The following FAM110C variants were observed in gnomAD, a reference collection of about 807,000 sequenced individuals.
FAM110C encodes the protein family with sequence similarity 110 member C.
FAM110C carries 19 observed loss-of-function variants against 15.7 expected under a neutral mutation model. The observed-to-expected ratio is 1.21, with a 90% CI of 0.85 to 1.78. The LOEUF is 1.78. FAM110C is among the 40% of genes most tolerant of loss of function. The pLI is 0.00. For missense variants in FAM110C, 547 were observed against 495.7 expected (o/e 1.10, Z -0.98); for synonymous variants, 275 against 233.9 (o/e 1.18, Z -1.61).
chr2:46,405 A>C lies in FAM110C; in HGVS notation c.-20T>G, dbSNP rs1664315565. 5.5e-6 allele frequency: 7 copies of C among 1,262,980 alleles called. No homozygotes were observed. The highest frequency in any genetic ancestry group is 7.0e-6 in the Non-Finnish European group (7 of 1,004,808). 78.2% of individuals were successfully genotyped at this position (1,262,980 alleles called of 1,614,324 possible). ...GCGCATCTTCGCGGGGAATGGACCG[A>C]CCGGGGTTCCGGGTCCAGCGGAGAC... On this transcript the variant is annotated 5_prime_UTR_variant, in exon 1 of 2. Coordinates refer to ENST00000327669, the MANE Select transcript of FAM110C (RefSeq NM_001077710.3).
rs1316291127 is a variant in FAM110C at position 40,644 on chromosome 2, T to G, written c.*964A>C. 1 of 152,202 alleles carries G rather than the reference T, an allele frequency of 6.6e-6. No individual in the cohort carries two copies. 9.4% of individuals were successfully genotyped at this position (152,202 alleles called of 1,614,324 possible). The stretch of plus-strand genomic sequence containing the variant: ...GAGTGAATTGGTGTCAAATTTGGGT[T>G]GATTACGTCATATGTGGAGGTGTGA... On this transcript the variant is annotated 3_prime_UTR_variant, in exon 2 of 2. Transcript: ENST00000327669.
Position 45,673 on chromosome 2 carries a change from G to T in FAM110C, c.713C>A (p.Thr238Asn). The T allele has an allele frequency of 6.2e-7, 1 of 1,608,100 alleles. No individual in the cohort carries two copies. The highest frequency in any genetic ancestry group is 8.5e-7 in the Non-Finnish European group (1 of 1,177,738). ...GAGGGTCACACAGTCCGACCCCGCG[G>T]TGAAGTTCTCCCTCCCCAGGGCCTC... Reference protein sequence around the residue: ...VVEALGRENFTAGSDCVTLKV... With the variant: ...VVEALGRENFNAGSDCVTLKV... Residue 238 changes from threonine (T) to asparagine (N), a missense_variant, in exon 1 of 2, where the codon ACC (threonine) becomes AAC (asparagine). Thr to Asn is a moderately conservative substitution (Grantham distance 65). Coordinates refer to ENST00000327669, the MANE Select transcript of FAM110C (RefSeq NM_001077710.3).
rs908542069 is a variant in FAM110C at position 46,254 on chromosome 2, G to T, written c.132C>A (p.Arg44=). Residue 44 remains arginine, a synonymous_variant, in exon 1 of 2, where the codon CGC becomes CGA. Transcript: ENST00000327669. ...CCGGCCGACCCCGCACATACTTGGC[G>T]CGATCCGCCGCCAGCCTCTCCACTG... ...RSAVERLAAD[R]AKYVRGRPGT... The T allele has an allele frequency of 1.4e-6, 2 of 1,412,026 alleles. No individual in the cohort carries two copies. Among genetic ancestry groups the T allele is most frequent in the African/African-American group, 3.0e-5 (2 of 66,592 alleles). 87.5% of individuals were successfully genotyped at this position (1,412,026 alleles called of 1,614,324 possible).
intron 1 of FAM110C, chr2:43,072 TCATGAG>T (rs1664170365): frequency 1.0e-6 from 1 of 985,334 alleles, no homozygotes; most frequent in Admixed American, 6.1e-5. Context: ...GGGGCTAAGG[TCATGAG>T]CAGACACTGT....
At chr2:43,155 C>A (rs1664173196) in intron 1 of FAM110C, 1 of 985,334 alleles carries the variant, frequency 1.0e-6, no homozygotes, top group South Asian at 4.7e-5. Flanking sequence ...GGTAGCCGGG[C>A]AGTAAGTCTC....
At chr2:45,342 A>G in intron 1 of FAM110C, 98 bp downstream of exon 1, 1 of 1,471,968 alleles carries the variant, frequency 6.8e-7, no homozygotes, top group Non-Finnish European at 9.0e-7. Flanking sequence ...ACTCAATTCT[A>G]AGCAGCTGTA....
In FAM110C at chr2:45,990, C is replaced by T. The variant is rs571226638; in HGVS notation, c.396G>A (p.Lys132=). The change falls in exon 1 of 2, where the codon AAG becomes AAA. Residue 132 remains lysine (K), a synonymous_variant. Coordinates refer to ENST00000327669, the MANE Select transcript of FAM110C (RefSeq NM_001077710.3). ...LVKKLFQGPG[K]DKAPVPRTGD... ...CCGTCCGGGGCACCGGCGCCTTGTCCTTACCCGGCCCCTGGAAGAGCTTCT... is the reference window on the plus strand; with the variant it reads ...CCGTCCGGGGCACCGGCGCCTTGTCTTTACCCGGCCCCTGGAAGAGCTTCT... The T allele has an allele frequency of 8.2e-6, 12 of 1,467,120 alleles. No homozygotes were observed. Among genetic ancestry groups the T allele is most frequent in the Non-Finnish European group, 9.9e-6 (11 of 1,115,324 alleles). The allele number at this position is 1,467,120 out of a possible 1,614,324, so 90.9% of individuals were successfully genotyped here. A position where few individuals can be genotyped will look rare whatever the true frequency, so the allele number is the denominator to read the frequency against.
chr2:44,861 G>A, intron 1 of FAM110C: 11 of 985,388 alleles, frequency 1.1e-5, no homozygotes, highest in Non-Finnish European at 1.3e-5. Context: ...TTGTTGCTAA[G>A]TGAATGCCAA....
chr2:42,710 A>T, intron 1 of FAM110C: 1 of 494,710 alleles, frequency 2.0e-6, no homozygotes, highest in Non-Finnish European at 2.6e-6. Flanking sequence ...TAGTTCTATT[A>T]TAATTGAGAC....
In FAM110C at chr2:45,443, G is replaced by T. The variant is rs1346907030; in HGVS notation, c.943C>A (p.Arg315=). Reference sequence around the variant, plus strand: ...CCCCAGCCTTCTGGGCACACACCTCGGGTCCGGCTCTGCTCCTGGCTGGGG... The same window carrying T: ...CCCCAGCCTTCTGGGCACACACCTCTGGTCCGGCTCTGCTCCTGGCTGGGG... ...ETPSQEQSRT[R]GSKPSR is the part of the protein sequence containing the mutation. Residue 315 remains arginine, a synonymous_variant, in exon 1 of 2, where the codon CGA becomes AGA. Transcript: ENST00000327669. 1 of 1,606,876 alleles carries T rather than the reference G, an allele frequency of 6.2e-7. No individual in the cohort carries two copies. The highest frequency in any genetic ancestry group is 1.1e-5 in the South Asian group (1 of 90,552).
rs1378716617 is a variant in FAM110C at position 46,174 on chromosome 2, G to C, written c.212C>G (p.Pro71Arg). ...GGCCGGGGGCCCAGGGTCGTTCCCCGGGCACTTGATCGCCCCCGGGCCGCT... is the reference window on the plus strand; with the variant it reads ...GGCCGGGGGCCCAGGGTCGTTCCCCCGGCACTTGATCGCCCCCGGGCCGCT... ...EGSGPGAIKC[P>R]GNDPGPPARA... The change falls in exon 1 of 2, where the codon CCG becomes CGG. Residue 71 changes from proline to arginine, a missense_variant. Physicochemically the swap from Pro to Arg is moderately radical, Grantham distance 103. Coordinates refer to ENST00000327669, the MANE Select transcript of FAM110C (RefSeq NM_001077710.3). 1 of 1,394,926 alleles carries C rather than the reference G, an allele frequency of 7.2e-7. No individual in the cohort carries two copies. Among genetic ancestry groups the C allele is most frequent in the Non-Finnish European group, 9.3e-7 (1 of 1,080,826 alleles). The allele number at this position is 1,394,926 out of a possible 1,614,324, so 86.4% of individuals were successfully genotyped here.
At chr2:42,735 T>G (rs1200932487) in intron 1 of FAM110C, 1 of 654,680 alleles carries the variant, frequency 1.5e-6, no homozygotes, top group Non-Finnish European at 1.9e-6. Context: ...TTATTATAAG[T>G]TGTAAATCTC....
intron 1 of FAM110C, chr2:45,077 C>T: frequency 1.0e-6 from 1 of 985,412 alleles, no homozygotes; most frequent in Non-Finnish European, 1.2e-6. Context: ...GTTTTCAGCT[C>T]AGGAAAGAAT....
In FAM110C at chr2:45,790, C is replaced by A; in HGVS notation, c.596G>T (p.Arg199Leu). The stretch of plus-strand genomic sequence containing the variant: ...GCGGGAGCTGAGGTCCGACTGTGAG[C>A]GCTGCAGCCCCCGACGCCTCACCAC... ...PRVVRRRGLQ[R>L]SQSDLSSRYS... Residue 199 changes from arginine to leucine, a missense_variant, in exon 1 of 2, where the codon CGC becomes CTC. Coordinates refer to ENST00000327669, the MANE Select transcript of FAM110C (RefSeq NM_001077710.3). 6.4e-7 allele frequency: 1 copy of A among 1,559,046 alleles called. No individual in the cohort carries two copies. Among genetic ancestry groups the A allele is most frequent in the Admixed American group, 1.9e-5 (1 of 52,640 alleles).
At chr2:42,340 T>C (rs1161818017) in intron 1 of FAM110C, 2 of 984,338 alleles carry the variant, frequency 2.0e-6, no homozygotes, top group East Asian at 2.3e-4. Flanking sequence ...GCCTTGAAAT[T>C]AAGCAATGTT....
At position 46,263 on chromosome 2, in the gene FAM110C, C is replaced by G; in HGVS notation, c.123G>C (p.Ala41=). ...PARRSAVERL[A]ADRAKYVRGR... Reference sequence around the variant, plus strand: ...CCCGCACATACTTGGCGCGATCCGCCGCCAGCCTCTCCACTGCGCTCCTGC... The same window carrying G: ...CCCGCACATACTTGGCGCGATCCGCGGCCAGCCTCTCCACTGCGCTCCTGC... Residue 41 remains alanine, a synonymous_variant, in exon 1 of 2, where the codon GCG becomes GCC. Transcript: ENST00000327669. The G allele has an allele frequency of 7.1e-7, 1 of 1,410,900 alleles. No homozygotes were observed. The highest frequency in any genetic ancestry group is 1.5e-5 in the South Asian group (1 of 66,888). The allele number at this position is 1,410,900 out of a possible 1,614,324, so 87.4% of individuals were successfully genotyped here.
At chr2:42,393 T>C in intron 1 of FAM110C, 1 of 826,698 alleles carries the variant, frequency 1.2e-6, no homozygotes, top group South Asian at 5.5e-5. Context: ...ATGCCAGTAT[T>C]AAAAGCAGCA....
Position 46,055 on chromosome 2 carries a change from G to A in FAM110C, c.331C>T (p.Arg111Ter), listed in dbSNP as rs777080652. The change falls in exon 1 of 2, where the codon CGA (arginine) becomes TGA (stop). Residue 111 changes from arginine to a stop codon, truncating the protein, a stop_gained. Coordinates refer to ENST00000327669, the MANE Select transcript of FAM110C (RefSeq NM_001077710.3). LOFTEE classifies it high-confidence loss of function. Reference sequence around the variant, plus strand: ...CTGGGGCCGTCGGCGCCCGATCCTCGCACGAATTCGCATTTCTGCCGGTAG... The same window carrying A: ...CTGGGGCCGTCGGCGCCCGATCCTCACACGAATTCGCATTTCTGCCGGTAG... Reference protein sequence around the residue: ...IIYRQKCEFVRGSGADGPRAS... With the variant: ...IIYRQKCEFV The A allele has an allele frequency of 1.3e-6, 2 of 1,527,196 alleles. No individual in the cohort carries two copies. Among genetic ancestry groups the A allele is most frequent in the East Asian group, 2.6e-5 (1 of 38,060 alleles). The allele number at this position is 1,527,196 out of a possible 1,614,324, so 94.6% of individuals were successfully genotyped here.
chr2:44,471 A>C, intron 1 of FAM110C: 1 of 985,400 alleles, frequency 1.0e-6, no homozygotes, highest in Non-Finnish European at 1.2e-6. Context: ...GCAGAAAATA[A>C]TTTCATCTCA....
Sources: allele counts gnomAD v4.1 joint callset, GRCh38; gene constraint gnomAD v4.1.1; transcripts MANE v1.5; gene names NCBI Gene and HGNC (gene_info 2026-07-23, HGNC 2026-07-21).